TCF7L2: variants seen among roughly 807,000 people sequenced by gnomAD.
The protein encoded by TCF7L2 is transcription factor 7-like 2.
TCF7L2 carries 23 observed loss-of-function variants against 77.9 expected under a neutral mutation model. The observed-to-expected ratio is 0.30, with a 90% CI of 0.21 to 0.42. TCF7L2 has a LOEUF of 0.42. Ranked by LOEUF, TCF7L2 falls within the 10% of genes least tolerant of loss-of-function variation. The pLI is 1.00. For missense variants in TCF7L2, 654 were observed against 793.1 expected (o/e 0.82, Z 2.11); for synonymous variants, 413 against 340.2 (o/e 1.21, Z -2.36).
intron 4 of TCF7L2, among the ~76,000 whole-genome samples, chr10:112,994,870 C>A (rs143148474): frequency 2.0e-5 from 3 of 151,958 alleles, no homozygotes; most frequent in Non-Finnish European, 4.4e-5. Context: ...GAGACTGAGG[C>A]GAGCAGATCA....
At chr10:113,163,113 T>C (rs1445457808) in intron 13 of TCF7L2, among the ~76,000 whole-genome samples, 1 of 152,124 alleles carries the variant, frequency 6.6e-6, no homozygotes, top group African/African-American at 2.4e-5. Context: ...CTCAGCCACC[T>C]TAGGAGACCC....
At chr10:113,034,157 C>T (rs1218456593) in intron 4 of TCF7L2, among the ~76,000 whole-genome samples, 1 of 152,182 alleles carries the variant, frequency 6.6e-6, no homozygotes, top group African/African-American at 2.4e-5. Flanking sequence ...TTTGTGTCTA[C>T]TAGGTGTGTG....
chr10:113,042,536 A>G (rs192218241), intron 5 of TCF7L2, among the ~76,000 whole-genome samples: 35 of 152,292 alleles, frequency 2.3e-4, no homozygotes, highest in Admixed American at 4.6e-4. Context: ...CTTGTCATGA[A>G]TGGTGACTTT....
intron 4 of TCF7L2, among the ~76,000 whole-genome samples, chr10:113,036,520 A>G (rs2051286523): frequency 6.6e-6 from 1 of 152,108 alleles, no homozygotes; most frequent in Non-Finnish European, 1.5e-5. Flanking sequence ...GGTGTTGTAT[A>G]TATTTCAAGA....
intron 4 of TCF7L2, among the ~76,000 whole-genome samples, chr10:113,002,975 T>C (rs2044762068): frequency 6.6e-6 from 1 of 152,208 alleles, no homozygotes; most frequent in Admixed American, 6.5e-5. Context: ...TGTGTGCGTG[T>C]ATGCACACAA....
At chr10:112,975,838 A>G (rs1038177549) in intron 4 of TCF7L2, among the ~76,000 whole-genome samples, 2 of 152,174 alleles carry the variant, frequency 1.3e-5, no homozygotes, top group African/African-American at 4.8e-5. Context: ...TGCCACTGGC[A>G]CCCAACAAAA....
chr10:113,013,571 AAG>A (rs1206046421), intron 4 of TCF7L2, among the ~76,000 whole-genome samples: 13 of 152,338 alleles, frequency 8.5e-5, no homozygotes, highest in African/African-American at 3.1e-4. Flanking sequence ...AGTGGATTTA[AAG>A]ATTTTTTTGG....
chr10:113,092,723 G>C (rs780162458), intron 5 of TCF7L2, among the ~76,000 whole-genome samples: 18 of 152,136 alleles, frequency 1.2e-4, no homozygotes, highest in Non-Finnish European at 2.5e-4. Context: ...AATTAACCAG[G>C]CGTGGTGGCA....
chr10:112,986,559 T>C (rs972753335), intron 4 of TCF7L2, among the ~76,000 whole-genome samples: 1 of 152,300 alleles, frequency 6.6e-6, no homozygotes, highest in African/African-American at 2.4e-5. Context: ...TTCAGGTCTA[T>C]CAAAAAAGAT....
intron 5 of TCF7L2, chr10:113,089,575 GCTAGCT>G: frequency 6.2e-7 from 1 of 1,607,390 alleles, no homozygotes; most frequent in South Asian, 1.1e-5. Context: ...TATGAGATGA[GCTAGCT>G]CTAAAATGAA....
intron 5 of TCF7L2, among the ~76,000 whole-genome samples, chr10:113,131,196 C>T: frequency 6.6e-6 from 1 of 152,204 alleles, no homozygotes; most frequent in East Asian, 1.9e-4. Flanking sequence ...TCGATAAGCT[C>T]TTCCATCCAA....
intron 5 of TCF7L2, among the ~76,000 whole-genome samples, chr10:113,103,700 A>C (rs1005587355): frequency 6.6e-6 from 1 of 152,154 alleles, no homozygotes; most frequent in Non-Finnish European, 1.5e-5. Flanking sequence ...TTTCGTACTT[A>C]TTAATGGTAT....
chr10:112,994,230 A>G (rs1042692610), intron 4 of TCF7L2, among the ~76,000 whole-genome samples: 5 of 151,992 alleles, frequency 3.3e-5, no homozygotes, highest in Middle Eastern at 3.2e-3. Context: ...TCCCTTACCC[A>G]TTAGCAGTCA....
rs556257877 is a variant in TCF7L2, at chr10:113,010,659, TAA to T, written c.451-29363_451-29362del. Among the ~76,000 whole-genome samples the T allele has an allele frequency of 2.6e-3, 400 of 152,316 alleles. 1 individual carries two copies. The highest frequency in any genetic ancestry group is 2.2e-3 in the Non-Finnish European group (147 of 68,038). ...AGGGGGACTGTGATTGCTCCCTTTATAAAATGTAGGAGATATTGTGGAGTACG... is the reference window on the plus strand; with the variant it reads ...AGGGGGACTGTGATTGCTCCCTTTATAATGTAGGAGATATTGTGGAGTACG... On this transcript the variant is annotated intron_variant, in intron 4 of 13. Coordinates refer to ENST00000627217, the MANE Select transcript of TCF7L2 (RefSeq NM_001146274.2).
intron 8 of TCF7L2, among the ~76,000 whole-genome samples, chr10:113,147,632 C>G (rs2069758700): frequency 6.6e-6 from 1 of 152,168 alleles, no homozygotes; most frequent in Admixed American, 6.5e-5. Flanking sequence ...GGAGAGCACC[C>G]AGGGACCACG....
At chr10:112,988,258 G>A (rs768485237) in intron 4 of TCF7L2, among the ~76,000 whole-genome samples, 3 of 151,778 alleles carry the variant, frequency 2.0e-5, no homozygotes, top group African/African-American at 4.8e-5. Context: ...CCACCAGGCT[G>A]GGCTGATTTT....
At chr10:113,078,620 C>G (rs1473748665) in intron 5 of TCF7L2, among the ~76,000 whole-genome samples, 3 of 151,894 alleles carry the variant, frequency 2.0e-5, no homozygotes, top group Non-Finnish European at 4.4e-5. Context: ...GGATCTTCCT[C>G]CCTCAGCCTC....
At chr10:113,090,642 G>A (rs551925557) in intron 5 of TCF7L2, among the ~76,000 whole-genome samples, 10 of 152,130 alleles carry the variant, frequency 6.6e-5, no homozygotes, top group East Asian at 3.9e-4. Context: ...ATAGAGTCTC[G>A]CTCTGTTGCC....
At chr10:113,074,434 C>T (rs958782247) in intron 5 of TCF7L2, among the ~76,000 whole-genome samples, 1 of 152,126 alleles carries the variant, frequency 6.6e-6, no homozygotes. Flanking sequence ...CCCCTCCTTC[C>T]ATATCTTGCT....
Sources: gnomAD v4.1 joint callset for allele counts (sites outside exome capture counted in the v4.1 genomes callset) on GRCh38, gnomAD v4.1.1 for gene constraint, MANE v1.5 for transcripts, NCBI Gene and HGNC (gene_info 2026-07-23, HGNC 2026-07-21) for gene names.